USP15: variants seen among roughly 807,000 people sequenced by gnomAD.
USP15 encodes the protein ubiquitin carboxyl-terminal hydrolase 15.
In USP15, 18 loss-of-function variants were observed where a neutral mutation model predicts 127.1. That is an observed-to-expected ratio of 0.14 (90% CI 0.10 to 0.21). The LOEUF is 0.21. USP15 is among the 10% of genes least tolerant of loss of function. The pLI, the probability that USP15 is intolerant of heterozygous loss-of-function variation, is 1.00. For synonymous variants in USP15, 364 were observed against 393.7 expected, an observed-to-expected ratio of 0.92 and a Z score of 0.89; for missense variants, 805 against 1,159.9, an observed-to-expected ratio of 0.69 and a Z score of 4.44.
intron 6 of USP15, chr12:62,336,345 C>A: frequency 1.0e-6 from 1 of 985,372 alleles, no homozygotes; most frequent in Non-Finnish European, 1.2e-6. Context: ...TCCCCTCAAC[C>A]TAAACTGTCT....
intron 8 of USP15, among the ~76,000 whole-genome samples, chr12:62,359,238 GAAA>G (rs764125277): frequency 4.9e-5 from 4 of 81,958 alleles, no homozygotes; most frequent in Admixed American, 1.4e-4. Context: ...AGTCTGGCTT[GAAA>G]AAAAAAAAAA....
rs1208181578 is a variant in USP15, at chr12:62,311,819, A to G, written c.349-2971A>G. On this transcript the variant is annotated intron_variant, in intron 3 of 21. Coordinates refer to ENST00000280377, the MANE Select transcript of USP15 (RefSeq NM_001252078.2). ...AGACGAATTAGTCTATTGGCAATAT[A>G]TGGACCTTATTTGGATCCTGATTCA... 1.7e-4 allele frequency among the ~76,000 whole-genome samples: 26 copies of G among 151,782 alleles called. 1 individual carries two copies. The highest frequency in any genetic ancestry group is 6.6e-5 in the Admixed American group (1 of 15,208).
In USP15 at chr12:62,405,092, A is replaced by G. The variant is rs1328921055; in HGVS notation, c.*717A>G. On this transcript the variant is annotated 3_prime_UTR_variant, in exon 22 of 22. Transcript: ENST00000280377. ...TTACATGTAAGTATTATTTACTGCT[A>G]TTGGGATCTATTCTTCAGATATTCA... The G allele has an allele frequency of 6.6e-6, 1 of 152,074 alleles. No individual in the cohort carries two copies. Among genetic ancestry groups the G allele is most frequent in the Non-Finnish European group, 1.5e-5 (1 of 67,978 alleles). 9.4% of individuals were successfully genotyped at this position (152,074 alleles called of 1,614,324 possible). A position where few individuals can be genotyped will look rare whatever the true frequency, so the allele number is the denominator to read the frequency against.
chr12:62,274,252 T>C (rs898660598), intron 1 of USP15: 4 of 152,248 alleles, frequency 2.6e-5, no homozygotes, highest in African/African-American at 9.6e-5. Flanking sequence ...CCCAACACTT[T>C]GAGAGGCCCT....
chr12:62,312,650 A>T (rs1056282032), intron 3 of USP15, among the ~76,000 whole-genome samples: 1 of 151,628 alleles, frequency 6.6e-6, no homozygotes, highest in African/African-American at 2.4e-5. Context: ...TATAACTATC[A>T]TCTATAATAC....
At chr12:62,279,817 G>A (rs1205761706) in intron 1 of USP15, among the ~76,000 whole-genome samples, 2 of 152,084 alleles carry the variant, frequency 1.3e-5, no homozygotes, top group African/African-American at 4.8e-5. Context: ...GATCTGTTGT[G>A]CCAGTACCTT....
chr12:62,302,885 A>G lies in USP15; in HGVS notation c.313A>G (p.Thr105Ala). ...EGWNKLVSWY[T>A]LMEGQEPIAR... is the part of the protein sequence containing the mutation. ...TTGGAATAAACTTGTCAGCTGGTAC[A>G]CATTGATGGAAGGTCAAGAGCCAAT... The change falls in exon 3 of 22, where the codon ACA becomes GCA. Residue 105 changes from threonine to alanine, a missense_variant. Around this residue, in one of 11 missense-constraint regions of USP15, gnomAD observed 69 missense variants for 126.4 expected, o/e 0.55. Transcript: ENST00000280377. The G allele has an allele frequency of 1.2e-6, 2 of 1,612,930 alleles. No individual in the cohort carries two copies. The highest frequency in any genetic ancestry group is 1.3e-5 in the African/African-American group (1 of 75,010).
At chr12:62,318,982 C>T (rs544465182) in intron 4 of USP15, among the ~76,000 whole-genome samples, 2 of 152,054 alleles carry the variant, frequency 1.3e-5, no homozygotes, top group Admixed American at 6.6e-5. Flanking sequence ...CCTAGTTTCC[C>T]ACCTTTGACC....
rs1431965241 is a variant in USP15 at position 62,384,583 on chromosome 12, T to C, written c.1473+281T>C. Among the ~76,000 whole-genome samples the C allele has an allele frequency of 2.0e-5, 3 of 151,722 alleles. No individual in the cohort carries two copies. In the East Asian group the frequency reaches 5.8e-4, roughly 29 times the overall value. ...TAATATTGGGGTGAATATTAGCTTA[T>C]GAAGATCAACATAATATTTTTAATT... On this transcript the variant is annotated intron_variant, in intron 11 of 21. Transcript: ENST00000280377.
At chr12:62,293,461 A>G (rs775570750) in intron 1 of USP15, among the ~76,000 whole-genome samples, 23 of 152,050 alleles carry the variant, frequency 1.5e-4, no homozygotes, top group Non-Finnish European at 3.2e-4. Flanking sequence ...GGTTCAAGCA[A>G]TTCTCCTGCC....
intron 21 of USP15, 63 bp downstream of exon 21, chr12:62,401,338 T>G: frequency 7.7e-7 from 1 of 1,303,540 alleles, no homozygotes; most frequent in Non-Finnish European, 1.1e-6. Flanking sequence ...TGAATATAAA[T>G]TAATAAAAGG....
chr12:62,277,022 C>A (rs574360438), intron 1 of USP15, among the ~76,000 whole-genome samples: 2 of 152,012 alleles, frequency 1.3e-5, no homozygotes, highest in Admixed American at 6.5e-5. Context: ...CAATATTATT[C>A]TTAGTCTATT....
intron 19 of USP15, among the ~76,000 whole-genome samples, chr12:62,394,475 G>GA (rs1010039752): frequency 1.3e-5 from 2 of 152,044 alleles, no homozygotes; most frequent in African/African-American, 4.8e-5. Flanking sequence ...ATTATTGAGT[G>GA]AAAAAAAGAT....
At chr12:62,306,973 T>C (rs940609394) in intron 3 of USP15, among the ~76,000 whole-genome samples, 4 of 152,170 alleles carry the variant, frequency 2.6e-5, no homozygotes, top group African/African-American at 9.7e-5. Context: ...CTTCTCAATA[T>C]GTGGCTTCTA....
chr12:62,301,383 A>G (rs2064315600), intron 2 of USP15, among the ~76,000 whole-genome samples: 1 of 152,190 alleles, frequency 6.6e-6, no homozygotes, highest in Admixed American at 6.5e-5. Context: ...GACCGATTGT[A>G]CACAAATGGT....
intron 6 of USP15, among the ~76,000 whole-genome samples, chr12:62,343,031 C>A (rs1043504099): frequency 1.3e-5 from 2 of 152,204 alleles, no homozygotes; most frequent in African/African-American, 4.8e-5. Flanking sequence ...TCCCTCCCCC[C>A]AGTGTCTCTG....
chr12:62,311,032 A>G (rs1220266972), intron 3 of USP15, among the ~76,000 whole-genome samples: 4 of 151,892 alleles, frequency 2.6e-5, no homozygotes, highest in Admixed American at 2.6e-4. Flanking sequence ...CTTTTGAGAA[A>G]TGTCTATTCA....
chr12:62,293,178 G>A (rs1300346051), intron 1 of USP15, among the ~76,000 whole-genome samples: 1 of 152,178 alleles, frequency 6.6e-6, no homozygotes, highest in East Asian at 1.9e-4. Flanking sequence ...CCACAGGAAT[G>A]AAGGATCCCA....
Position 62,404,329 on chromosome 12 carries a change from A to T in USP15, c.2900A>T (p.Asp967Val). 6.2e-7 allele frequency: 1 copy of T among 1,612,892 alleles called. No homozygotes were observed. Among genetic ancestry groups the T allele is most frequent in the Non-Finnish European group, 8.5e-7 (1 of 1,179,170 alleles). ...TTAGAAAGTGATGAAGATAGCAATG[A>T]TAATGACAATGATATAGAAAATGAA... ...IPLESDEDSNDNDNDIENENC... is the reference protein window; with the variant it reads ...IPLESDEDSNVNDNDIENENC... The change falls in exon 22 of 22, where the codon GAT becomes GTT. Residue 967 changes from aspartate to valine, a missense_variant. Asp to Val is a radical substitution (Grantham distance 152). Around this residue, in one of 11 missense-constraint regions of USP15, gnomAD observed 116 missense variants for 157.2 expected, o/e 0.74. Transcript: ENST00000280377.
Sources: gnomAD v4.1 joint callset for allele counts (sites outside exome capture counted in the v4.1 genomes callset) on GRCh38, gnomAD v4.1.1 for gene constraint, gnomAD v4.1.1 regional missense constraint, MANE v1.5 for transcripts, NCBI Gene and HGNC (gene_info 2026-07-23, HGNC 2026-07-21) for gene names.